The following SDK2 variants were observed in gnomAD, a reference collection of about 807,000 sequenced individuals.
SDK2 encodes the protein sidekick cell adhesion molecule 2, also known as protein sidekick-2.
SDK2 carries 105 observed loss-of-function variants against 253.9 expected under a neutral mutation model. The observed-to-expected ratio is 0.41, with a 90% CI of 0.35 to 0.49. The LOEUF is 0.49. Among genes scored for constraint, SDK2 ranks in the 20% least tolerant of loss-of-function variants. The pLI is 0.06. For missense variants in SDK2, 2,608 were observed against 3,003.0 expected (o/e 0.87, Z 3.07); for synonymous variants, 1,249 against 1,234.9 (o/e 1.01, Z -0.24).
chr17:73,534,280 C>T lies in SDK2; in HGVS notation c.65-26683G>A, dbSNP rs376261252. On this transcript the variant is annotated intron_variant, in intron 1 of 44. Coordinates refer to ENST00000392650, the MANE Select transcript of SDK2 (RefSeq NM_001144952.2). This position sits in a 1 kb window ranked among gnomAD's most constrained non-coding sequence, Gnocchi z 4.9. ...CAAAAAGCAGATGCAAGAGCGGGTC[C>T]GCTGCTGGGGGAAGGGGAGTGGCAT... 1.3e-5 allele frequency among the ~76,000 whole-genome samples: 2 copies of T among 152,184 alleles called. No homozygotes were observed. The highest frequency in any genetic ancestry group is 2.1e-4 in the South Asian group (1 of 4,834).
chr17:73,410,507 A>G (rs12451507), intron 18 of SDK2, among the ~76,000 whole-genome samples: 144,858 of 152,060 alleles, frequency 0.95, 69,140 homozygotes, highest in Non-Finnish European at 0.99. Context: ...CAGTAGAGAC[A>G]AGGTTTCACC....
intron 8 of SDK2, among the ~76,000 whole-genome samples, chr17:73,436,924 C>T (rs1358220105): frequency 1.3e-5 from 2 of 152,068 alleles, no homozygotes; most frequent in African/African-American, 2.4e-5. Flanking sequence ...ATCAGCTTGC[C>T]CATCTCCCTC....
chr17:73,458,833 G>A (rs190711727), intron 3 of SDK2, among the ~76,000 whole-genome samples: 140 of 152,010 alleles, frequency 9.2e-4, no homozygotes, highest in African/African-American at 3.2e-3. Flanking sequence ...GTGAAACCCC[G>A]TCTACACTAA....
intron 1 of SDK2, among the ~76,000 whole-genome samples, chr17:73,515,758 C>T (rs1267520509): frequency 6.6e-6 from 1 of 152,236 alleles, no homozygotes; most frequent in African/African-American, 2.4e-5. Flanking sequence ...TTGAAGATCC[C>T]AGTGGGAGAA....
chr17:73,637,894 T>C (rs2143295656), intron 1 of SDK2, among the ~76,000 whole-genome samples: 1 of 152,314 alleles, frequency 6.6e-6, no homozygotes, highest in African/African-American at 2.4e-5. Context: ...CCAGGCCTGC[T>C]AAGAGGCAGA....
At chr17:73,474,594 G>T (rs981745688) in intron 2 of SDK2, among the ~76,000 whole-genome samples, 1 of 152,340 alleles carries the variant, frequency 6.6e-6, no homozygotes, top group East Asian at 1.9e-4. Flanking sequence ...TCTTGCTACT[G>T]TGCGCAGTGT....
At chr17:73,603,680 C>G (rs1466119078) in intron 1 of SDK2, among the ~76,000 whole-genome samples, 1 of 152,232 alleles carries the variant, frequency 6.6e-6, no homozygotes, top group Non-Finnish European at 1.5e-5. Context: ...CTCCTTAAAG[C>G]TACGCTACTA....
chr17:73,556,001 G>A (rs943082764), intron 1 of SDK2, among the ~76,000 whole-genome samples: 8 of 152,154 alleles, frequency 5.3e-5, no homozygotes, highest in Non-Finnish European at 1.2e-4. Flanking sequence ...TTGAGCTTCT[G>A]GGGTTTCCAG....
At chr17:73,386,850 A>G (rs1314029363) in intron 30 of SDK2, among the ~76,000 whole-genome samples, 2 of 152,132 alleles carry the variant, frequency 1.3e-5, no homozygotes, top group East Asian at 1.9e-4. Flanking sequence ...CAGCTTCCCC[A>G]CTTCGCAGAA....
At chr17:73,564,732 G>A (rs1414664024) in intron 1 of SDK2, among the ~76,000 whole-genome samples, 2 of 152,168 alleles carry the variant, frequency 1.3e-5, no homozygotes, top group African/African-American at 4.8e-5. Context: ...GGCTGAGGCA[G>A]GAGGATCGCT....
rs372169880 is a variant in SDK2 at position 73,507,562 on chromosome 17, G to A, written c.100C>T (p.Arg34Trp). 2.6e-6 allele frequency: 4 copies of A among 1,551,604 alleles called. 1 individual carries two copies. Among genetic ancestry groups the A allele is most frequent in the South Asian group, 2.4e-5 (2 of 84,044 alleles). The change falls in exon 2 of 45, where the codon CGG becomes TGG. Residue 34 changes from arginine (R) to tryptophan (W), a missense_variant. By Grantham distance (101) the Arg-to-Trp change is moderately radical. Coordinates refer to ENST00000392650, the MANE Select transcript of SDK2 (RefSeq NM_001144952.2). ...TTTCCTTCCAAGTGCACCTGTGTCC[G>A]CACAGGCTCTGTCTTGAAATACGGG... Reference protein sequence around the residue: ...VSPYFKTEPVRTQVHLEGNRL... With the variant: ...VSPYFKTEPVWTQVHLEGNRL...
At position 73,350,228 on chromosome 17, in the gene SDK2, GC is replaced by G; in HGVS notation, c.6038+8del. 1.8e-6 allele frequency: 1 copy of G among 552,880 alleles called. No homozygotes were observed. The allele number at this position is 552,880 out of a possible 1,614,324, so 34.2% of individuals were successfully genotyped here. On this transcript the variant is annotated splice_region_variant and intron_variant, in intron 43 of 44. Transcript: ENST00000392650. Reference sequence around the variant, plus strand: ...GCCTGGCCCCCAACCCACGCAGAGGGCCCAGTACCTGGTGTACAGGCCGTTC... The same window carrying G: ...GCCTGGCCCCCAACCCACGCAGAGGGCCAGTACCTGGTGTACAGGCCGTTC...
intron 34 of SDK2, 71 bp downstream of exon 34, chr17:73,380,823 C>T: frequency 7.3e-7 from 1 of 1,376,920 alleles, no homozygotes; most frequent in Non-Finnish European, 1.0e-6. Context: ...TCAGGTCTCT[C>T]AAGGAGGCCC....
chr17:73,487,973 T>G (rs2063779990), intron 2 of SDK2, among the ~76,000 whole-genome samples: 2 of 152,160 alleles, frequency 1.3e-5, no homozygotes, highest in African/African-American at 4.8e-5. Flanking sequence ...AGAACCTTGT[T>G]ATACCTCGGA....
intron 18 of SDK2, among the ~76,000 whole-genome samples, chr17:73,411,954 G>GTA (rs546035555): frequency 1.6e-4 from 17 of 107,288 alleles, no homozygotes; most frequent in South Asian, 9.3e-4. Context: ...GTGTGTTTGT[G>GTA]TATATATATA....
chr17:73,436,902 CTTTA>C (rs1334213164), intron 8 of SDK2, among the ~76,000 whole-genome samples: 1 of 152,116 alleles, frequency 6.6e-6, no homozygotes, highest in African/African-American at 2.4e-5. Context: ...AATAAGTTCT[CTTTA>C]TTTGTTTATC....
intron 1 of SDK2, among the ~76,000 whole-genome samples, chr17:73,528,712 A>C (rs2064145639): frequency 6.6e-6 from 1 of 152,190 alleles, no homozygotes. Flanking sequence ...TTGACACTGC[A>C]GGGTCACCAT....
chr17:73,447,605 G>A lies in SDK2; in HGVS notation c.613+10C>T. 3 of 1,551,912 alleles carry A rather than the reference G, an allele frequency of 1.9e-6. No individual in the cohort carries two copies. Among genetic ancestry groups the A allele is most frequent in the Non-Finnish European group, 2.6e-6 (3 of 1,147,056 alleles). ...GCTCCAAGATCGGTCCCGGCCCTGT[G>A]CGTACTTACTCTCCACGGTGAGCGT... On this transcript the variant is annotated intron_variant, in intron 5 of 44. Coordinates refer to ENST00000392650, the MANE Select transcript of SDK2 (RefSeq NM_001144952.2). The surrounding 1 kb of genome is among the most constrained non-coding windows in gnomAD (Gnocchi z 4.0).
intron 2 of SDK2, among the ~76,000 whole-genome samples, chr17:73,476,424 T>C (rs1372469043): frequency 6.6e-6 from 1 of 152,208 alleles, no homozygotes; most frequent in African/African-American, 2.4e-5. Context: ...TGTCTTTCTA[T>C]GCCATCAGAA....
Sources: gnomAD v4.1 joint callset for allele counts (sites outside exome capture counted in the v4.1 genomes callset) on GRCh38, gnomAD v4.1.1 for gene constraint, Gnocchi (gnomAD v3.1) non-coding constraint, MANE v1.5 for transcripts, NCBI Gene and HGNC (gene_info 2026-07-23, HGNC 2026-07-21) for gene names.